OPTN: variants seen among roughly 807,000 people sequenced by gnomAD.
OPTN encodes the protein optineurin, also known as E3-14.7K-interacting protein.
In OPTN, 54 loss-of-function variants were observed where a neutral mutation model predicts 70.4. That is an observed-to-expected ratio of 0.77 (90% CI 0.62 to 0.96). The LOEUF is 0.96. OPTN is among the 40% of genes least tolerant of loss of function. OPTN has a pLI of 0.00. For synonymous variants in OPTN, 256 were observed against 248.5 expected (o/e 1.03, Z -0.28); for missense variants, 624 against 673.2 (o/e 0.93, Z 0.81).
Position 13,129,428 on chromosome 10 carries a change from C to T in OPTN, c.1401+1525C>T, listed in dbSNP as rs548043979. On this transcript the variant is annotated intron_variant, in intron 12 of 14. Coordinates refer to ENST00000378747, the MANE Select transcript of OPTN (RefSeq NM_001008212.2). ...AGTGCAGTGGCACGATCTTGGCTCA[C>T]TGCAACCTCCACCTCCCGGGTTCAA... Among the ~76,000 whole-genome samples, 9 of 151,996 alleles carry T rather than the reference C, an allele frequency of 5.9e-5. No individual in the cohort carries two copies. In the South Asian group the frequency reaches 1.5e-3, roughly 25 times the overall value.
At position 13,125,403 on chromosome 10, in the gene OPTN, C is replaced by G; in HGVS notation, c.999-15C>G. 4 of 1,613,966 alleles carry G rather than the reference C, an allele frequency of 2.5e-6. No homozygotes were observed. Among genetic ancestry groups the G allele is most frequent in the Non-Finnish European group, 3.4e-6 (4 of 1,179,918 alleles). ...GGAGCATTGTTTATCCTCATGAAATCTTGACCTTTCTTAGGTGTCAGGCCC... is the reference window on the plus strand; with the variant it reads ...GGAGCATTGTTTATCCTCATGAAATGTTGACCTTTCTTAGGTGTCAGGCCC... On this transcript the variant is annotated splice_polypyrimidine_tract_variant and intron_variant, in intron 9 of 14. Coordinates refer to ENST00000378747, the MANE Select transcript of OPTN (RefSeq NM_001008212.2).
chr10:13,114,804 A>ATAATTG lies in OPTN; in HGVS notation c.553-1461_553-1460insATTGTA, dbSNP rs1564358798. ...TATATAATTATATAATTATATATAC[A>ATAATTG]TATATATAATTATATAATTATATAA... On this transcript the variant is annotated intron_variant, in intron 5 of 14. Coordinates refer to ENST00000378747, the MANE Select transcript of OPTN (RefSeq NM_001008212.2). Among the ~76,000 whole-genome samples, 96 of 73,150 alleles carry ATAATTG rather than the reference A, an allele frequency of 1.3e-3. 5 individuals are homozygous for ATAATTG. The highest frequency in any genetic ancestry group is 4.6e-3 in the South Asian group (10 of 2,168). The allele number at this position is 73,150 out of a possible 152,430, so 48.0% of individuals were successfully genotyped here. A position where few individuals can be genotyped will look rare whatever the true frequency, so the allele number is the denominator to read the frequency against.
chr10:13,104,019 G>A (rs756838263), intron 1 of OPTN, among the ~76,000 whole-genome samples: 17 of 152,122 alleles, frequency 1.1e-4, no homozygotes, highest in Non-Finnish European at 2.1e-4. Flanking sequence ...TCCAATTTCT[G>A]TAACCTTCGA....
rs534790510 is a variant in OPTN at position 13,116,196 on chromosome 10, T to C, written c.553-71T>C. 56 of 1,079,256 alleles carry C rather than the reference T, an allele frequency of 5.2e-5. No homozygotes were observed. In the African/African-American group the frequency reaches 8.0e-4, roughly 15 times the overall value. 66.9% of individuals were successfully genotyped at this position (1,079,256 alleles called of 1,614,324 possible). On this transcript the variant is annotated intron_variant, in intron 5 of 14. Coordinates refer to ENST00000378747, the MANE Select transcript of OPTN (RefSeq NM_001008212.2). ...GTCACAAAAATTCATCTTTTGTCTT[T>C]TTCTTCTTTTGACAAAGAATTTGTC... is the stretch of plus-strand genomic sequence containing the variant.
chr10:13,123,377 T>G (rs191079564), intron 8 of OPTN, among the ~76,000 whole-genome samples: 2 of 152,352 alleles, frequency 1.3e-5, no homozygotes, highest in African/African-American at 4.8e-5. Context: ...TCAACAAATA[T>G]GTACATTGAA....
chr10:13,105,439 C>T (rs556857827), intron 1 of OPTN, among the ~76,000 whole-genome samples: 2 of 152,354 alleles, frequency 1.3e-5, no homozygotes, highest in South Asian at 2.1e-4. Context: ...CAAGGCCACA[C>T]ATCTGGCTAA....
At position 13,116,398 on chromosome 10, in the gene OPTN, G is replaced by A; in HGVS notation, c.626+58G>A. 4.9e-6 allele frequency: 6 copies of A among 1,222,484 alleles called. No homozygotes were observed. In the East Asian group the frequency reaches 1.2e-4, roughly 24 times the overall value. The allele number at this position is 1,222,484 out of a possible 1,614,324, so 75.7% of individuals were successfully genotyped here. Reference sequence around the variant, plus strand: ...ACAGGCTGGGCAGGCTCGTCACTGGGTGCTTGTCACCGGAGGTCAAATGTT... The same window carrying A: ...ACAGGCTGGGCAGGCTCGTCACTGGATGCTTGTCACCGGAGGTCAAATGTT... On this transcript the variant is annotated intron_variant, in intron 6 of 14. Coordinates refer to ENST00000378747, the MANE Select transcript of OPTN (RefSeq NM_001008212.2).
Position 13,111,899 on chromosome 10 carries a change from G to A in OPTN, c.370-554G>A, listed in dbSNP as rs541823429. On this transcript the variant is annotated intron_variant, in intron 4 of 14. Coordinates refer to ENST00000378747, the MANE Select transcript of OPTN (RefSeq NM_001008212.2). ...GTCTTGCTCTGTTGCCCAGGCTGGA[G>A]TACAGTGGCATAATCTCGGCTCACT... Among the ~76,000 whole-genome samples, 12 of 136,626 alleles carry A rather than the reference G, an allele frequency of 8.8e-5. No individual in the cohort carries two copies. The East Asian group carries it at 1.1e-3, about 13-fold the overall frequency. 89.6% of individuals were successfully genotyped at this position (136,626 alleles called of 152,430 possible).
chr10:13,123,821 C>G (rs1308027369), intron 8 of OPTN, among the ~76,000 whole-genome samples, 174 bp from the exon 9 acceptor site: 1 of 152,148 alleles, frequency 6.6e-6, no homozygotes, highest in Non-Finnish European at 1.5e-5. Context: ...ACCTAAGTAC[C>G]AAGTATCCAA....
At position 13,113,749 on chromosome 10, in the gene OPTN, T is replaced by C. The variant is rs1833061755; in HGVS notation, c.552+1114T>C. Reference sequence around the variant, plus strand: ...GATGGTCACTTTCGATGAGTCAGAGTACATATCTGATACAGGAAAAGGGAC... The same window carrying C: ...GATGGTCACTTTCGATGAGTCAGAGCACATATCTGATACAGGAAAAGGGAC... On this transcript the variant is annotated intron_variant, in intron 5 of 14. Coordinates refer to ENST00000378747, the MANE Select transcript of OPTN (RefSeq NM_001008212.2). Among the ~76,000 whole-genome samples the C allele has an allele frequency of 2.0e-5, 3 of 152,028 alleles. No homozygotes were observed. In the South Asian group the frequency reaches 6.2e-4, roughly 32 times the overall value.
intron 6 of OPTN, chr10:13,116,600 T>C (rs1833214814): frequency 1.9e-6 from 1 of 531,668 alleles, no homozygotes; most frequent in East Asian, 3.3e-5. Context: ...AGATGAAAAG[T>C]GAAAGCAAAC....
At chr10:13,109,074 G>A (rs1377055701) in intron 2 of OPTN, 38 bp from the exon 3 acceptor site, 1 of 1,601,836 alleles carries the variant, frequency 6.2e-7, no homozygotes, top group Non-Finnish European at 8.5e-7. Context: ...TTGTGGGGCG[G>A]GGGACAGCTC....
intron 1 of OPTN, among the ~76,000 whole-genome samples, chr10:13,105,967 C>T (rs763491515): frequency 1.6e-4 from 25 of 151,998 alleles, no homozygotes; most frequent in Admixed American, 7.9e-4. Context: ...AGAAACGTCT[C>T]TCTCTTTTCT....
At position 13,124,048 on chromosome 10, in the gene OPTN, G is replaced by A; in HGVS notation, c.936G>A (p.Glu312=). The change falls in exon 9 of 15, where the codon GAG becomes GAA. Residue 312 remains glutamate, a synonymous_variant. Transcript: ENST00000378747. ...TCCAGGTGACATCTCTGTTTAAGGAGCTTCAAGAGGCTCATACAAAACTCA... is the reference window on the plus strand; with the variant it reads ...TCCAGGTGACATCTCTGTTTAAGGAACTTCAAGAGGCTCATACAAAACTCA... The part of the protein sequence containing the change: ...LNLQVTSLFK[E]LQEAHTKLSE... 1.2e-6 allele frequency: 2 copies of A among 1,613,964 alleles called. No individual in the cohort carries two copies. The highest frequency in any genetic ancestry group is 1.7e-6 in the Non-Finnish European group (2 of 1,179,912).
chr10:13,112,709 T>G, intron 5 of OPTN, 74 bp downstream of exon 5: 1 of 1,428,058 alleles, frequency 7.0e-7, no homozygotes, highest in South Asian at 1.2e-5. Flanking sequence ...AAATACCACT[T>G]TTTCTTGTCA....
At chr10:13,123,965 C>A in intron 8 of OPTN, 30 bp from the exon 9 acceptor site, 1 of 1,484,778 alleles carries the variant, frequency 6.7e-7, no homozygotes, top group Non-Finnish European at 9.4e-7. Context: ...GATAATTGTA[C>A]AGATATGTTT....
Position 13,133,546 on chromosome 10 carries a change from G to C in OPTN, c.1577G>C (p.Ser526Thr). Residue 526 changes from serine (S) to threonine (T), a missense_variant, in exon 14 of 15, where the codon AGT (serine) becomes ACT (threonine). Ser to Thr is a moderately conservative substitution (Grantham distance 58). Coordinates refer to ENST00000378747, the MANE Select transcript of OPTN (RefSeq NM_001008212.2). ...EMQSRHGART[S>T]DSDQQAYLVQ... ...CAGAGTCGTCATGGGGCGAGAACAA[G>C]TGACTCTGACCAGCAGGCTTACCTT... The C allele has an allele frequency of 6.2e-7, 1 of 1,614,176 alleles. No homozygotes were observed. The highest frequency in any genetic ancestry group is 8.5e-7 in the Non-Finnish European group (1 of 1,180,034).
chr10:13,123,947 T>C (rs1833405559), intron 8 of OPTN, 48 bp from the exon 9 acceptor site: 1 of 1,376,764 alleles, frequency 7.3e-7, no homozygotes. Context: ...GTTTGTTTAA[T>C]GTCAGATGAT....
intron 5 of OPTN, among the ~76,000 whole-genome samples, chr10:13,114,762 ATATATAATTATATAATTATATAAT>A (rs71386158): frequency 1.2e-5 from 1 of 83,754 alleles, no homozygotes; most frequent in Non-Finnish European, 2.0e-5. Context: ...ATATAATTGC[ATATATAATTATATAATTATATAAT>A]TATATAATTA....
Sources: allele counts gnomAD v4.1 joint callset (sites outside exome capture counted in the v4.1 genomes callset), GRCh38; gene constraint gnomAD v4.1.1; transcripts MANE v1.5; gene names NCBI Gene and HGNC (gene_info 2026-07-23, HGNC 2026-07-21).